HSF2BP: variants seen among roughly 807,000 people sequenced by gnomAD.
HSF2BP encodes heat shock factor 2-binding protein.
Under a neutral mutation model 35.0 loss-of-function variants are expected in HSF2BP, and 35 were observed. That is an observed-to-expected ratio of 1.00 (90% confidence interval 0.76 to 1.32). The LOEUF (loss-of-function observed/expected upper bound fraction) is 1.32. Ranked by LOEUF, HSF2BP falls within the 40% of genes most tolerant of loss-of-function variation. The pLI, the probability that HSF2BP is intolerant of heterozygous loss-of-function variation, is 0.00. For missense variants in HSF2BP, 326 were observed against 321.7 expected, an observed-to-expected ratio of 1.01 and a Z score of -0.10; for synonymous variants, 114 against 117.4, an observed-to-expected ratio of 0.97 and a Z score of 0.18.
At chr21:43,642,056 G>A (rs1429556395) in intron 4 of HSF2BP, among the ~76,000 whole-genome samples, 1 of 152,178 alleles carries the variant, frequency 6.6e-6, no homozygotes, top group African/African-American at 2.4e-5. Context: ...AGCATTTTGG[G>A]AGGCCCAAAG....
In HSF2BP at chr21:43,614,308, A is replaced by G. The variant is rs559326577; in HGVS notation, c.575-361T>C. ...AGCCTAGGAGGTAGAGGCTGCAGTG[A>G]GCCATGATCATGACACTGCACTCCA... On this transcript the variant is annotated intron_variant, in intron 6 of 8. Transcript: ENST00000291560. Among the ~76,000 whole-genome samples the G allele has an allele frequency of 7.3e-5, 11 of 151,396 alleles. No homozygotes were observed. In the Admixed American group the frequency reaches 7.3e-4, roughly 10 times the overall value.
chr21:43,594,473 G>A (rs1217726088), intron 7 of HSF2BP, among the ~76,000 whole-genome samples: 1 of 152,154 alleles, frequency 6.6e-6, no homozygotes, highest in African/African-American at 2.4e-5. Context: ...TACTGTTTAG[G>A]TGAGAAAGAC....
rs559156044 is a variant in HSF2BP, at chr21:43,620,750, T to C, written c.575-6803A>G. Reference sequence around the variant, plus strand: ...ATCATCACCATCATCACCATCATCATCACCATCAAACAGAAATCCTGGAAC... The same window carrying C: ...ATCATCACCATCATCACCATCATCACCACCATCAAACAGAAATCCTGGAAC... On this transcript the variant is annotated intron_variant, in intron 6 of 8. Transcript: ENST00000291560. 3.3e-5 allele frequency among the ~76,000 whole-genome samples: 5 copies of C among 150,312 alleles called. No homozygotes were observed. The East Asian group carries it at 9.7e-4, about 29-fold the overall frequency.
intron 7 of HSF2BP, among the ~76,000 whole-genome samples, chr21:43,607,708 AC>A (rs1354786972): frequency 6.6e-6 from 1 of 152,240 alleles, no homozygotes; most frequent in African/African-American, 2.4e-5. Context: ...CTACCAGGCT[AC>A]ACTAACTAAA....
intron 3 of HSF2BP, among the ~76,000 whole-genome samples, chr21:43,649,127 T>TA (rs2082748256): frequency 6.6e-6 from 1 of 152,122 alleles, no homozygotes; most frequent in Admixed American, 6.5e-5. Flanking sequence ...TGATCTCAAC[T>TA]CATTGTCACT....
At chr21:43,575,214 A>G (rs1208061822) in intron 8 of HSF2BP, among the ~76,000 whole-genome samples, 1 of 151,888 alleles carries the variant, frequency 6.6e-6, no homozygotes, top group Non-Finnish European at 1.5e-5. Flanking sequence ...GTCAGCCACA[A>G]AAGTTACAGA....
chr21:43,581,823 G>A (rs1016097437), intron 8 of HSF2BP, among the ~76,000 whole-genome samples: 6 of 72,364 alleles, frequency 8.3e-5, no homozygotes, highest in Middle Eastern at 6.6e-3. Context: ...TCTGTGCTGC[G>A]GGAGATGAGG....
intron 7 of HSF2BP, among the ~76,000 whole-genome samples, chr21:43,602,377 C>T (rs2146846612): frequency 6.6e-6 from 1 of 152,312 alleles, no homozygotes; most frequent in Admixed American, 6.5e-5. Context: ...GATGCAGCCA[C>T]ACAGCTACTC....
At chr21:43,651,192 G>C (rs1051263884) in intron 3 of HSF2BP, among the ~76,000 whole-genome samples, 8 of 151,914 alleles carry the variant, frequency 5.3e-5, no homozygotes, top group East Asian at 1.9e-4. Flanking sequence ...TATTTACCAG[G>C]GACTCCTATG....
chr21:43,629,526 T>C (rs2082428983), intron 6 of HSF2BP, among the ~76,000 whole-genome samples: 1 of 152,150 alleles, frequency 6.6e-6, no homozygotes, highest in South Asian at 2.1e-4. Flanking sequence ...GATCACGCCG[T>C]TGCACTCCAG....
chr21:43,604,976 A>AT (rs554090698), intron 7 of HSF2BP, among the ~76,000 whole-genome samples: 4 of 147,422 alleles, frequency 2.7e-5, no homozygotes, highest in African/African-American at 1.0e-4. Flanking sequence ...TACACACCAC[A>AT]CACACATCAC....
chr21:43,656,342 AAG>A (rs994380316), intron 3 of HSF2BP, among the ~76,000 whole-genome samples: 7 of 152,180 alleles, frequency 4.6e-5, no homozygotes, highest in South Asian at 2.1e-4. Flanking sequence ...TCTGCCAATG[AAG>A]AGAGAGAGAA....
intron 7 of HSF2BP, among the ~76,000 whole-genome samples, chr21:43,604,408 C>CCA (rs2082093253): frequency 7.7e-6 from 1 of 129,302 alleles, no homozygotes; most frequent in Non-Finnish European, 1.6e-5. Flanking sequence ...TACACACACA[C>CCA]CATACACACC....
intron 7 of HSF2BP, among the ~76,000 whole-genome samples, chr21:43,608,894 G>C (rs2082168662): frequency 2.0e-5 from 3 of 152,036 alleles, no homozygotes; most frequent in African/African-American, 7.2e-5. Flanking sequence ...GATTGCTTGA[G>C]CCCAGGATTT....
At chr21:43,587,590 G>A (rs926578372) in intron 8 of HSF2BP, among the ~76,000 whole-genome samples, 5 of 150,566 alleles carry the variant, frequency 3.3e-5, no homozygotes, top group South Asian at 2.1e-4. Flanking sequence ...GCTTGAAGCC[G>A]GGAGGCGGAG....
chr21:43,587,958 C>T (rs950426816), intron 8 of HSF2BP, among the ~76,000 whole-genome samples: 1 of 152,182 alleles, frequency 6.6e-6, no homozygotes, highest in Non-Finnish European at 1.5e-5. Context: ...GGCTAAACTC[C>T]TCTTTTTATG....
At chr21:43,611,207 C>T (rs1342318362) in intron 7 of HSF2BP, among the ~76,000 whole-genome samples, 1 of 152,150 alleles carries the variant, frequency 6.6e-6, no homozygotes, top group Non-Finnish European at 1.5e-5. Flanking sequence ...GTTCATACCA[C>T]TGTGCTCCAG....
intron 6 of HSF2BP, among the ~76,000 whole-genome samples, chr21:43,616,135 C>T (rs1464502233): frequency 1.3e-5 from 2 of 152,010 alleles, no homozygotes; most frequent in African/African-American, 4.8e-5. Context: ...GTGGGCCTGG[C>T]CTCATGTTCA....
chr21:43,595,094 C>T (rs2081968852), intron 7 of HSF2BP, among the ~76,000 whole-genome samples: 1 of 152,082 alleles, frequency 6.6e-6, no homozygotes, highest in African/African-American at 2.4e-5. Context: ...AACCCTGTCT[C>T]TGCTGAAAAT....
Sources: gnomAD v4.1 joint callset for allele counts (sites outside exome capture counted in the v4.1 genomes callset) on GRCh38, gnomAD v4.1.1 for gene constraint, MANE v1.5 for transcripts, NCBI Gene and HGNC (gene_info 2026-07-23, HGNC 2026-07-21) for gene names.